Variants in SCNM1 observed in about 807,000 individuals in gnomAD.
SCNM1 encodes sodium channel modifier 1.
Under a neutral mutation model 32.8 loss-of-function variants are expected in SCNM1, and 24 were observed. That is an observed-to-expected ratio of 0.73 (90% CI 0.53 to 1.03). The LOEUF is 1.03. Among genes scored for constraint, SCNM1 ranks in the 50% least tolerant of loss-of-function variants. SCNM1 has a pLI of 0.00. For missense variants in SCNM1, 274 were observed against 282.3 expected, an observed-to-expected ratio of 0.97 and a Z score of 0.21; for synonymous variants, 99 against 103.2, an observed-to-expected ratio of 0.96 and a Z score of 0.25.
chr1:151,166,438 T>C, intron 1 of SCNM1, 33 bp from the exon 2 acceptor site: 1 of 1,613,592 alleles, frequency 6.2e-7, no homozygotes, highest in Non-Finnish European at 8.5e-7. Context: ...ATCCCGCTGA[T>C]CCCGTCCGGA....
In SCNM1 at chr1:151,170,036, A is replaced by C. The variant is rs909852338; in HGVS notation, c.*951A>C. On this transcript the variant is annotated 3_prime_UTR_variant, in exon 7 of 7. Coordinates refer to ENST00000368905, the MANE Select transcript of SCNM1 (RefSeq NM_024041.4). ...GGAAAGGAGGACAGATGAGGATTTA[A>C]GTGTCCAGTGCTCCCAGCGCTAGTT... 12 of 1,610,306 alleles carry C rather than the reference A, an allele frequency of 7.5e-6. 1 individual carries two copies. The Admixed American group carries it at 1.3e-4, about 18-fold the overall frequency.
chr1:151,167,291 G>A, intron 4 of SCNM1, 35 bp from the exon 5 acceptor site: 1 of 1,614,040 alleles, frequency 6.2e-7, no homozygotes, highest in Non-Finnish European at 8.5e-7. Context: ...GCGGAGGGCT[G>A]AAGGCTCTGA....
intron 5 of SCNM1, 163 bp from the exon 6 acceptor site, chr1:151,167,981 A>T: frequency 1.3e-6 from 1 of 771,610 alleles, no homozygotes; most frequent in Non-Finnish European, 1.9e-6. Flanking sequence ...GTAAAATTTT[A>T]AGCTAGCCTT....
chr1:151,169,832 C>T lies in SCNM1; in HGVS notation c.*747C>T. ...GCATTGGCAGGGTTATGGGGAACAC[C>T]AAGGGAGGGAACACCCCCACCTCCT... On this transcript the variant is annotated 3_prime_UTR_variant, in exon 7 of 7. Coordinates refer to ENST00000368905, the MANE Select transcript of SCNM1 (RefSeq NM_024041.4). The T allele has an allele frequency of 1.9e-6, 1 of 528,840 alleles. No homozygotes were observed. The highest frequency in any genetic ancestry group is 2.1e-5 in the South Asian group (1 of 47,464). The allele number at this position is 528,840 out of a possible 1,614,324, so 32.8% of individuals were successfully genotyped here.
chr1:151,169,998 G>T lies in SCNM1; in HGVS notation c.*913G>T, dbSNP rs1022437766. On this transcript the variant is annotated 3_prime_UTR_variant, in exon 7 of 7. Coordinates refer to ENST00000368905, the MANE Select transcript of SCNM1 (RefSeq NM_024041.4). Reference sequence around the variant, plus strand: ...GGAGGCAGGCAAAATGGATAGAAGGGCTTTTATTTACAGGAAAGGAGGACA... The same window carrying T: ...GGAGGCAGGCAAAATGGATAGAAGGTCTTTTATTTACAGGAAAGGAGGACA... 5.6e-5 allele frequency: 87 copies of T among 1,539,988 alleles called. No individual in the cohort carries two copies. Among genetic ancestry groups the T allele is most frequent in the Non-Finnish European group, 7.7e-5 (86 of 1,113,884 alleles).
rs147127258 is a variant in SCNM1, at chr1:151,168,790, CTTTTTTT to C, written c.594-175_594-169del. On this transcript the variant is annotated intron_variant, in intron 6 of 6. Coordinates refer to ENST00000368905, the MANE Select transcript of SCNM1 (RefSeq NM_024041.4). ...GCTCTCAATTTTTTCTCACTGCTAA[CTTTTTTT>C]TTTTTTTTTTTTTTTTTTTTGGTAG... Among the ~76,000 whole-genome samples, 301 of 40,408 alleles carry C rather than the reference CTTTTTTT, an allele frequency of 7.4e-3. 2 individuals carry two copies. Among genetic ancestry groups the C allele is most frequent in the African/African-American group, 0.03 (276 of 9,092 alleles). The allele number at this position is 40,408 out of a possible 152,430, so 26.5% of individuals were successfully genotyped here.
chr1:151,166,491 C>G lies in SCNM1; in HGVS notation c.72C>G (p.Leu24=). 1 of 1,614,102 alleles carries G rather than the reference C, an allele frequency of 6.2e-7. No individual in the cohort carries two copies. The highest frequency in any genetic ancestry group is 8.5e-7 in the Non-Finnish European group (1 of 1,180,014). ...NVLKKRRVGD[L]LASYIPEDEA... The stretch of plus-strand genomic sequence containing the variant: ...TGCAGAAAAGAAGAGTCGGGGACCT[C>G]CTAGCCAGTTACATTCCAGAGGATG... Residue 24 remains leucine, a synonymous_variant, in exon 2 of 7, where the codon CTC becomes CTG. Coordinates refer to ENST00000368905, the MANE Select transcript of SCNM1 (RefSeq NM_024041.4).
In SCNM1 at chr1:151,169,019, G is replaced by C. The variant is rs139584849; in HGVS notation, c.627G>C (p.Trp209Cys). ...SGWIPDGRGRWVKDENVEFDS... is the reference protein window; with the variant it reads ...SGWIPDGRGRCVKDENVEFDS... ...GGATCCCAGATGGACGAGGTCGATG[G>C]GTAAAAGATGAAAATGTTGAGTTTG... The change falls in exon 7 of 7, where the codon TGG becomes TGC. Residue 209 changes from tryptophan to cysteine, a missense_variant. Trp to Cys is a radical substitution (Grantham distance 215). Coordinates refer to ENST00000368905, the MANE Select transcript of SCNM1 (RefSeq NM_024041.4). The C allele has an allele frequency of 8.8e-5, 142 of 1,613,588 alleles. No individual in the cohort carries two copies. The highest frequency in any genetic ancestry group is 2.8e-4 in the Admixed American group (17 of 59,930).
Position 151,170,093 on chromosome 1 carries a change from T to A in SCNM1, c.*1008T>A, listed in dbSNP as rs773548777. The A allele has an allele frequency of 7.4e-6, 12 of 1,614,190 alleles. No homozygotes were observed. In the South Asian group the frequency reaches 1.3e-4, roughly 18 times the overall value. Reference sequence around the variant, plus strand: ...GGGAAATGCAGTGTTATCTCTTCTTTTGCTGGCGACCTGTAAAGGAGCAAT... The same window carrying A: ...GGGAAATGCAGTGTTATCTCTTCTTATGCTGGCGACCTGTAAAGGAGCAAT... On this transcript the variant is annotated 3_prime_UTR_variant, in exon 7 of 7. Transcript: ENST00000368905.
chr1:151,166,993 C>A lies in SCNM1; in HGVS notation c.182C>A (p.Ala61Asp), dbSNP rs1683735326. The change falls in exon 3 of 7, where the codon GCC (alanine) becomes GAC (aspartate). Residue 61 changes from alanine to aspartate, a missense_variant. Ala to Asp is a moderately radical substitution (Grantham distance 126). Transcript: ENST00000368905. Reference sequence around the variant, plus strand: ...CTGGACACCCTGGCCATGCTGACTGCCCACCGTGCAGGCAAGAAACATCTG... The same window carrying A: ...CTGGACACCCTGGCCATGCTGACTGACCACCGTGCAGGCAAGAAACATCTG... Reference protein sequence around the residue: ...PVLDTLAMLTAHRAGKKHLSS... With the variant: ...PVLDTLAMLTDHRAGKKHLSS... 2 of 1,614,116 alleles carry A rather than the reference C, an allele frequency of 1.2e-6. No homozygotes were observed. The highest frequency in any genetic ancestry group is 1.7e-6 in the Non-Finnish European group (2 of 1,180,028).
chr1:151,168,998 C>G lies in SCNM1; in HGVS notation c.606C>G (p.Ile202Met), dbSNP rs1432403889. ...HYLTLRSSGW[I>M]PDGRGRWVKD... The stretch of plus-strand genomic sequence containing the variant: ...CTGATGTTTCCAGCTCTGGATGGAT[C>G]CCAGATGGACGAGGTCGATGGGTAA... Residue 202 changes from isoleucine (I) to methionine (M), a missense_variant, in exon 7 of 7, where the codon ATC becomes ATG. Coordinates refer to ENST00000368905, the MANE Select transcript of SCNM1 (RefSeq NM_024041.4). 1.9e-6 allele frequency: 3 copies of G among 1,613,798 alleles called. No homozygotes were observed. Among genetic ancestry groups the G allele is most frequent in the Admixed American group, 1.7e-5 (1 of 59,958 alleles).
At chr1:151,167,265 A>T in intron 4 of SCNM1, 47 bp downstream of exon 4, 1 of 1,613,976 alleles carries the variant, frequency 6.2e-7, no homozygotes, top group Non-Finnish European at 8.5e-7. Context: ...CCTGCTGCAC[A>T]CACCAGGCTG....
rs587640752 is a variant in SCNM1 at position 151,166,598 on chromosome 1, T to C, written c.122+57T>C. On this transcript the variant is annotated intron_variant, in intron 2 of 6. Coordinates refer to ENST00000368905, the MANE Select transcript of SCNM1 (RefSeq NM_024041.4). ...TTCTGCGGTTAGAGGCTCAATAGAC[T>C]TTTTTTTTTTTTTCCTTTGAGACGG... 1.6e-3 allele frequency: 509 copies of C among 319,574 alleles called. 1 individual carries two copies. Among genetic ancestry groups the C allele is most frequent in the African/African-American group, 0.012 (445 of 36,280 alleles). 19.8% of individuals were successfully genotyped at this position (319,574 alleles called of 1,614,324 possible).
Position 151,166,520 on chromosome 1 carries a change from C to T in SCNM1, c.101C>T (p.Ala34Val), listed in dbSNP as rs780101124. Reference protein sequence around the residue: ...LLASYIPEDEALMLRDGRFAC... With the variant: ...LLASYIPEDEVLMLRDGRFAC... Reference sequence around the variant, plus strand: ...GCCAGTTACATTCCAGAGGATGAGGCGCTGATGCTTCGGGATGGACGGTAA... The same window carrying T: ...GCCAGTTACATTCCAGAGGATGAGGTGCTGATGCTTCGGGATGGACGGTAA... The change falls in exon 2 of 7, where the codon GCG becomes GTG. Residue 34 changes from alanine to valine, a missense_variant. Transcript: ENST00000368905. 1.2e-6 allele frequency: 2 copies of T among 1,614,006 alleles called. No individual in the cohort carries two copies. Among genetic ancestry groups the T allele is most frequent in the South Asian group, 1.1e-5 (1 of 91,070 alleles).
intron 6 of SCNM1, among the ~76,000 whole-genome samples, chr1:151,168,772 AT>A (rs1332688830): frequency 1.7e-5 from 2 of 118,188 alleles, no homozygotes; most frequent in East Asian, 2.4e-4. Context: ...ATGGCTCTCA[AT>A]TTTTTCTCAC....
chr1:151,166,842 CAA>C, intron 2 of SCNM1, 90 bp from the exon 3 acceptor site: 1 of 1,569,236 alleles, frequency 6.4e-7, no homozygotes, highest in Non-Finnish European at 8.7e-7. Context: ...TTGGGTTTTG[CAA>C]AGACTGCTAG....
rs72708455 is a variant in SCNM1, at chr1:151,169,594, C to T, written c.*509C>T. On this transcript the variant is annotated 3_prime_UTR_variant, in exon 7 of 7. Coordinates refer to ENST00000368905, the MANE Select transcript of SCNM1 (RefSeq NM_024041.4). ...CCCCCACCTCCTACCAAAGCCATGC[C>T]AAGCGTCAGCTGCATCAGCCTGGTG... The T allele has an allele frequency of 0.035, 6,320 of 182,396 alleles. 147 individuals carry two copies. The highest frequency in any genetic ancestry group is 0.095 in the Middle Eastern group (35 of 368). The allele number at this position is 182,396 out of a possible 1,614,324, so 11.3% of individuals were successfully genotyped here.
intron 1 of SCNM1, 39 bp downstream of exon 1, chr1:151,166,242 G>T: frequency 6.4e-7 from 1 of 1,569,894 alleles, no homozygotes; most frequent in Non-Finnish European, 8.7e-7. Context: ...CGCTTCAGTC[G>T]CTCCCTGAAG....
intron 5 of SCNM1, 64 bp downstream of exon 5, chr1:151,167,478 T>C: frequency 1.3e-6 from 2 of 1,584,878 alleles, no homozygotes; most frequent in East Asian, 2.2e-5. Context: ...TAAAAGAGTT[T>C]TCCAGTGTGT....
Sources: gnomAD v4.1 joint callset for allele counts (sites outside exome capture counted in the v4.1 genomes callset) on GRCh38, gnomAD v4.1.1 for gene constraint, MANE v1.5 for transcripts, NCBI Gene and HGNC (gene_info 2026-07-23, HGNC 2026-07-21) for gene names.